GPR158: variants seen among roughly 807,000 people sequenced by gnomAD.
GPR158 encodes metabotropic glycine receptor.
Under a neutral mutation model 78.2 loss-of-function variants are expected in GPR158, and 30 were observed. That is an observed-to-expected ratio of 0.38 (90% CI 0.29 to 0.52). GPR158 has a LOEUF of 0.52. GPR158 is among the 20% of genes least tolerant of loss of function. GPR158 has a pLI of 0.83. For missense variants in GPR158, 1,463 were observed against 1,523.5 expected, an observed-to-expected ratio of 0.96 and a Z score of 0.66; for synonymous variants, 581 against 591.1, an observed-to-expected ratio of 0.98 and a Z score of 0.25.
intron 4 of GPR158, among the ~76,000 whole-genome samples, chr10:25,449,939 G>T (rs374061348): frequency 1.3e-5 from 2 of 151,226 alleles, no homozygotes; most frequent in African/African-American, 4.9e-5. Context: ...GGTAAAATGT[G>T]ACTTACTAAA....
Position 25,359,740 on chromosome 10 carries a change from G to C in GPR158, c.1009-36171G>C, listed in dbSNP as rs778659155. Among the ~76,000 whole-genome samples, 49 of 152,224 alleles carry C rather than the reference G, an allele frequency of 3.2e-4. 1 individual carries two copies. Among genetic ancestry groups the C allele is most frequent in the Middle Eastern group, 3.4e-3 (1 of 294 alleles). On this transcript the variant is annotated intron_variant, in intron 2 of 10. Coordinates refer to ENST00000376351, the MANE Select transcript of GPR158 (RefSeq NM_020752.3). ...ACATATGTGTACATGTGTCTTTATA[G>C]TAAAATGATTTATTATAATCCTTTG...
intron 3 of GPR158, among the ~76,000 whole-genome samples, chr10:25,406,777 A>G (rs1196549447): frequency 1.3e-5 from 2 of 152,136 alleles, no homozygotes; most frequent in African/African-American, 4.8e-5. Flanking sequence ...TGTATTTAAC[A>G]TTCCATCTTA....
chr10:25,329,162 C>G (rs1275798348), intron 2 of GPR158, among the ~76,000 whole-genome samples: 1 of 151,956 alleles, frequency 6.6e-6, no homozygotes, highest in Middle Eastern at 3.4e-3. Flanking sequence ...TTAGGCCAGG[C>G]GCGGTGGCTC....
At chr10:25,416,846 C>T (rs1009337737) in intron 4 of GPR158, among the ~76,000 whole-genome samples, 1 of 152,022 alleles carries the variant, frequency 6.6e-6, no homozygotes, top group Admixed American at 6.6e-5. Context: ...AAAAACACTT[C>T]TAGAAGATTA....
Position 25,253,685 on chromosome 10 carries a change from G to A in GPR158, c.1008+32528G>A, listed in dbSNP as rs530044985. Among the ~76,000 whole-genome samples the A allele has an allele frequency of 7.0e-4, 106 of 152,178 alleles. No individual in the cohort carries two copies. In the South Asian group the frequency reaches 0.017, roughly 25 times the overall value. On this transcript the variant is annotated intron_variant, in intron 2 of 10. Coordinates refer to ENST00000376351, the MANE Select transcript of GPR158 (RefSeq NM_020752.3). The stretch of plus-strand genomic sequence containing the variant: ...TAAACATATGAGCCATGCTGAAACC[G>A]TTATTTATATATATATATATCACAC...
Position 25,412,430 on chromosome 10 carries a change from A to ACTT in GPR158, c.1294_1296dup (p.Phe432dup), listed in dbSNP as rs780911459. On this transcript the variant is annotated inframe_insertion, in exon 4 of 11. Coordinates refer to ENST00000376351, the MANE Select transcript of GPR158 (RefSeq NM_020752.3). ...TTCCAAGCCCTGTGTATGCTGCTCG[A>ACTT]CTTCGTTAGCATGCTGGTGGTCTAC... 1 of 1,614,110 alleles carries ACTT rather than the reference A, an allele frequency of 6.2e-7. No homozygotes were observed. Among genetic ancestry groups the ACTT allele is most frequent in the South Asian group, 1.1e-5 (1 of 91,090 alleles).
chr10:25,396,290 A>T (rs1039705180), intron 3 of GPR158, among the ~76,000 whole-genome samples: 7 of 152,220 alleles, frequency 4.6e-5, no homozygotes, highest in African/African-American at 1.4e-4. Flanking sequence ...ATGGGGATTT[A>T]GTTATTGAAA....
At chr10:25,491,134 T>G (rs528617465) in intron 5 of GPR158, among the ~76,000 whole-genome samples, 1 of 152,270 alleles carries the variant, frequency 6.6e-6, no homozygotes, top group Non-Finnish European at 1.5e-5. Flanking sequence ...GGCGTGTATG[T>G]GTGTGTGTAT....
intron 4 of GPR158, among the ~76,000 whole-genome samples, chr10:25,431,471 G>A (rs6482478): frequency 0.67 from 83,412 of 124,042 alleles, 29,456 homozygotes; most frequent in Non-Finnish European, 0.79. Flanking sequence ...GGGATCTAGA[G>A]CTAGAAATAC....
chr10:25,433,477 C>T (rs1834940872), intron 4 of GPR158, among the ~76,000 whole-genome samples: 1 of 151,642 alleles, frequency 6.6e-6, no homozygotes, highest in Non-Finnish European at 1.5e-5. Context: ...TTGAATTTAG[C>T]AGTATCATTT....
At chr10:25,592,139 A>G (rs1276868776) in intron 8 of GPR158, among the ~76,000 whole-genome samples, 1 of 152,066 alleles carries the variant, frequency 6.6e-6, no homozygotes, top group African/African-American at 2.4e-5. Context: ...CTCTATCAAT[A>G]TAGCATGTGT....
chr10:25,309,944 A>G (rs1854739609), intron 2 of GPR158, among the ~76,000 whole-genome samples: 1 of 140,732 alleles, frequency 7.1e-6, no homozygotes, highest in South Asian at 2.2e-4. Context: ...CAGTGTGAGA[A>G]CAGACTAATA....
intron 6 of GPR158, among the ~76,000 whole-genome samples, chr10:25,564,491 T>G (rs1464060640): frequency 6.6e-6 from 1 of 152,226 alleles, no homozygotes; most frequent in Non-Finnish European, 1.5e-5. Flanking sequence ...AACTTTTAGA[T>G]AAATGACACC....
At chr10:25,430,943 T>C (rs1345303953) in intron 4 of GPR158, among the ~76,000 whole-genome samples, 1 of 148,602 alleles carries the variant, frequency 6.7e-6, no homozygotes, top group Non-Finnish European at 1.5e-5. Flanking sequence ...ATTCAGGACA[T>C]AGGCATGGGC....
At chr10:25,423,495 A>G (rs1032973950) in intron 4 of GPR158, among the ~76,000 whole-genome samples, 5 of 151,640 alleles carry the variant, frequency 3.3e-5, no homozygotes, top group Non-Finnish European at 5.9e-5. Context: ...CCATTAATTC[A>G]TCATTACATT....
chr10:25,437,681 T>C (rs1291538426), intron 4 of GPR158, among the ~76,000 whole-genome samples: 1 of 152,204 alleles, frequency 6.6e-6, no homozygotes, highest in Non-Finnish European at 1.5e-5. Flanking sequence ...TATGAAGTCG[T>C]TGAGAACTTT....
chr10:25,290,200 C>T (rs930766284), intron 2 of GPR158, among the ~76,000 whole-genome samples: 3 of 152,260 alleles, frequency 2.0e-5, no homozygotes, highest in Non-Finnish European at 2.9e-5. Context: ...CTCTTTTTAT[C>T]GGATATATCA....
At chr10:25,571,802 T>TTCATCTGAGATATATACAGAAAAA (rs1837013024) in intron 6 of GPR158, among the ~76,000 whole-genome samples, 1 of 152,154 alleles carries the variant, frequency 6.6e-6, no homozygotes, top group Non-Finnish European at 1.5e-5. Flanking sequence ...ACTCTGGCTA[T>TTCATCTGAGATATATACAGAAAAA]TCATCTGAGA....
At chr10:25,224,263 G>C (rs1245034656) in intron 2 of GPR158, among the ~76,000 whole-genome samples, 2 of 151,864 alleles carry the variant, frequency 1.3e-5, no homozygotes, top group African/African-American at 2.4e-5. Flanking sequence ...TTGCTTGTTT[G>C]AAGTGTAAAA....
Sources: allele counts gnomAD v4.1 joint callset (sites outside exome capture counted in the v4.1 genomes callset), GRCh38; gene constraint gnomAD v4.1.1; transcripts MANE v1.5; gene names NCBI Gene and HGNC (gene_info 2026-07-23, HGNC 2026-07-21).